Variants in NKAIN3 observed in about 807,000 individuals in gnomAD.
NKAIN3 encodes sodium/potassium-transporting ATPase subunit beta-1-interacting protein 3.
Under a neutral mutation model 30.2 loss-of-function variants are expected in NKAIN3, and 25 were observed. The ratio of observed to expected loss-of-function variants is 0.83; its 90% CI spans 0.60 to 1.16. The LOEUF is 1.16. NKAIN3 is among the 50% of genes most tolerant of loss of function. NKAIN3 has a pLI of 0.00. For synonymous variants in NKAIN3, 91 were observed against 89.6 expected (o/e 1.02, Z -0.09); for missense variants, 225 against 254.1 (o/e 0.89, Z 0.78).
chr8:62,595,382 C>CTTTTTTTTTTTTTTTTTTTT (rs1181598520), intron 3 of NKAIN3, among the ~76,000 whole-genome samples: 1 of 109,954 alleles, frequency 9.1e-6, no homozygotes, highest in Non-Finnish European at 1.8e-5. Flanking sequence ...GGGCTATTTT[C>CTTTTTTTTTTTTTTTTTTTT]TTTTTTTTTT....
chr8:62,841,823 C>T (rs1819537571), intron 4 of NKAIN3, among the ~76,000 whole-genome samples: 2 of 152,088 alleles, frequency 1.3e-5, no homozygotes, highest in African/African-American at 2.4e-5. Context: ...TTGTAATACC[C>T]AGTAGTGGGA....
chr8:62,778,834 A>G (rs1424408859), intron 4 of NKAIN3, among the ~76,000 whole-genome samples: 3 of 152,056 alleles, frequency 2.0e-5, no homozygotes, highest in Admixed American at 6.6e-5. Flanking sequence ...CTGAAGCCAG[A>G]ATATCTTTGA....
At chr8:62,289,687 G>A (rs1171608115) in intron 1 of NKAIN3, among the ~76,000 whole-genome samples, 1 of 152,140 alleles carries the variant, frequency 6.6e-6, no homozygotes, top group Non-Finnish European at 1.5e-5. Flanking sequence ...GATGCCTCCA[G>A]CTTTGTTCTT....
At chr8:62,250,206 T>C (rs1812055569) in intron 1 of NKAIN3, among the ~76,000 whole-genome samples, 2 of 152,242 alleles carry the variant, frequency 1.3e-5, no homozygotes, top group Admixed American at 6.5e-5. Context: ...TGCTTTTTAG[T>C]AGTTAGTCCT....
chr8:62,841,577 T>G (rs901175134), intron 4 of NKAIN3, among the ~76,000 whole-genome samples: 1 of 152,180 alleles, frequency 6.6e-6, no homozygotes, highest in Non-Finnish European at 1.5e-5. Context: ...CAAGTAGTAT[T>G]TATCTTTCTG....
At chr8:62,840,791 G>A (rs1205374794) in intron 4 of NKAIN3, among the ~76,000 whole-genome samples, 1 of 152,098 alleles carries the variant, frequency 6.6e-6, no homozygotes, top group African/African-American at 2.4e-5. Flanking sequence ...AGGGGAAAAT[G>A]TCTCTATTGA....
At chr8:62,473,038 G>C (rs1806405042) in intron 1 of NKAIN3, among the ~76,000 whole-genome samples, 1 of 152,208 alleles carries the variant, frequency 6.6e-6, no homozygotes. Context: ...AGGCAAGTAA[G>C]AGTCTTTAAT....
intron 4 of NKAIN3, among the ~76,000 whole-genome samples, chr8:62,872,228 G>T (rs554077354): frequency 6.6e-6 from 1 of 152,300 alleles, no homozygotes; most frequent in South Asian, 2.1e-4. Context: ...AAAAGCACCT[G>T]ATGATGCCAT....
At chr8:62,616,270 C>T (rs535054925) in intron 3 of NKAIN3, among the ~76,000 whole-genome samples, 72 of 152,184 alleles carry the variant, frequency 4.7e-4, no homozygotes, top group South Asian at 1.0e-3. Context: ...CACAAGACTA[C>T]GCCTACATCT....
chr8:62,832,858 A>T (rs1459534911), intron 4 of NKAIN3, among the ~76,000 whole-genome samples: 1 of 152,104 alleles, frequency 6.6e-6, no homozygotes, highest in African/African-American at 2.4e-5. Context: ...AGAGATCTAC[A>T]GAATATTTCA....
At chr8:62,534,041 A>G (rs1258500001) in intron 1 of NKAIN3, among the ~76,000 whole-genome samples, 4 of 152,110 alleles carry the variant, frequency 2.6e-5, no homozygotes, top group Non-Finnish European at 5.9e-5. Context: ...CGTGAAAACA[A>G]GGAGGGTAGG....
At position 62,872,718 on chromosome 8, in the gene NKAIN3, A is replaced by G. The variant is rs554337744; in HGVS notation, c.472-45735A>G. Among the ~76,000 whole-genome samples the G allele has an allele frequency of 7.9e-5, 12 of 152,304 alleles. No individual in the cohort carries two copies. The East Asian group carries it at 2.3e-3, about 29-fold the overall frequency. ...AAGTCCACATATGCCCTCAGTCAAGAGAGAGTGAAAAGAATTTTCAACTCA... is the reference window on the plus strand; with the variant it reads ...AAGTCCACATATGCCCTCAGTCAAGGGAGAGTGAAAAGAATTTTCAACTCA... On this transcript the variant is annotated intron_variant, in intron 4 of 6. Coordinates refer to ENST00000623646, the MANE Select transcript of NKAIN3 (RefSeq NM_001304533.3).
intron 1 of NKAIN3, among the ~76,000 whole-genome samples, chr8:62,346,704 A>T (rs1393231701): frequency 6.6e-6 from 1 of 152,072 alleles, no homozygotes; most frequent in Non-Finnish European, 1.5e-5. Context: ...TGCCACTAGA[A>T]AGGTTGACCT....
At chr8:62,407,920 G>C (rs1208727132) in intron 1 of NKAIN3, among the ~76,000 whole-genome samples, 1 of 152,146 alleles carries the variant, frequency 6.6e-6, no homozygotes, top group African/African-American at 2.4e-5. Context: ...ATAGCTACCA[G>C]GAGGCTGAGA....
intron 5 of NKAIN3, among the ~76,000 whole-genome samples, chr8:62,953,641 T>C (rs1295009904): frequency 6.6e-6 from 1 of 152,218 alleles, no homozygotes; most frequent in Non-Finnish European, 1.5e-5. Flanking sequence ...TCTCATGCTA[T>C]TTAATATTAC....
At chr8:62,471,961 C>G (rs1308523364) in intron 1 of NKAIN3, among the ~76,000 whole-genome samples, 1 of 150,428 alleles carries the variant, frequency 6.6e-6, no homozygotes, top group Non-Finnish European at 1.5e-5. Context: ...AAGACCCTAT[C>G]TCAAACCAAC....
rs189495339 is a variant in NKAIN3 at position 62,909,543 on chromosome 8, A to G, written c.472-8910A>G. On this transcript the variant is annotated intron_variant, in intron 4 of 6. Coordinates refer to ENST00000623646, the MANE Select transcript of NKAIN3 (RefSeq NM_001304533.3). ...ATGCATTTTCCATTTCTTGTAGACA[A>G]GCAGAAAGCCACAGAGACTATTTAA... 2.7e-4 allele frequency among the ~76,000 whole-genome samples: 41 copies of G among 152,274 alleles called. No homozygotes were observed. In the East Asian group the frequency reaches 7.0e-3, roughly 26 times the overall value.
At chr8:62,943,322 A>G (rs79979759) in intron 5 of NKAIN3, among the ~76,000 whole-genome samples, 1 of 151,002 alleles carries the variant, frequency 6.6e-6, no homozygotes, top group Non-Finnish European at 1.5e-5. Flanking sequence ...GGAAATGCAA[A>G]TCAAAACTAC....
intron 4 of NKAIN3, among the ~76,000 whole-genome samples, chr8:62,806,355 G>A (rs528791698): frequency 1.1e-4 from 16 of 152,244 alleles, no homozygotes; most frequent in African/African-American, 3.1e-4. Context: ...ACATGCATAC[G>A]TATGTTTATT....
Sources: allele counts gnomAD v4.1 joint callset (sites outside exome capture counted in the v4.1 genomes callset), GRCh38; gene constraint gnomAD v4.1.1; transcripts MANE v1.5; gene names NCBI Gene and HGNC (gene_info 2026-07-23, HGNC 2026-07-21).